Variants in GRIA4 observed in about 807,000 individuals in gnomAD.
GRIA4 encodes glutamate ionotropic receptor AMPA type subunit 4.
In GRIA4, 34 loss-of-function variants were observed where a neutral mutation model predicts 104.0. The observed-to-expected ratio is 0.33, with a 90% CI of 0.25 to 0.44. GRIA4 has a LOEUF of 0.44. GRIA4 is among the 20% of genes least tolerant of loss of function. The pLI is 1.00. For synonymous variants in GRIA4, 386 were observed against 381.9 expected (o/e 1.01, Z -0.13); for missense variants, 750 against 1,096.5 (o/e 0.68, Z 4.46).
chr11:105,782,351 A>C (rs1184726643), intron 4 of GRIA4, among the ~76,000 whole-genome samples: 6 of 152,234 alleles, frequency 3.9e-5, no homozygotes, highest in African/African-American at 1.4e-4. Flanking sequence ...AAGTTTTCAT[A>C]CTAAGAAATC....
In GRIA4 at chr11:105,655,219, G is replaced by A. The variant is rs1354696853; in HGVS notation, c.247+42785G>A. Among the ~76,000 whole-genome samples, 4 of 151,968 alleles carry A rather than the reference G, an allele frequency of 2.6e-5. No homozygotes were observed. In the East Asian group the frequency reaches 5.8e-4, roughly 22 times the overall value. On this transcript the variant is annotated intron_variant, in intron 3 of 16. Transcript: ENST00000282499. ...ATACACATGATTATTAGTGTGATTCGAATATAACAAAGTTCTTTGTTTCAT... is the reference window on the plus strand; with the variant it reads ...ATACACATGATTATTAGTGTGATTCAAATATAACAAAGTTCTTTGTTTCAT...
At chr11:105,945,050 T>A (rs547231552) in intron 14 of GRIA4, among the ~76,000 whole-genome samples, 1 of 152,310 alleles carries the variant, frequency 6.6e-6, no homozygotes, top group South Asian at 2.1e-4. Flanking sequence ...TGTAGCACTA[T>A]CATTTTACTC....
chr11:105,682,055 T>A (rs1438943530), intron 3 of GRIA4, among the ~76,000 whole-genome samples: 1 of 151,852 alleles, frequency 6.6e-6, no homozygotes, highest in Non-Finnish European at 1.5e-5. Flanking sequence ...ATAATAATAA[T>A]AATAATAACA....
chr11:105,732,873 G>A (rs966734720), intron 3 of GRIA4, among the ~76,000 whole-genome samples: 3 of 152,146 alleles, frequency 2.0e-5, no homozygotes, highest in African/African-American at 7.2e-5. Flanking sequence ...TCAGATGTCA[G>A]GCAGCAGAAA....
intron 3 of GRIA4, among the ~76,000 whole-genome samples, chr11:105,720,337 C>G (rs571194079): frequency 6.6e-6 from 1 of 152,132 alleles, no homozygotes; most frequent in African/African-American, 2.4e-5. Context: ...GGAGCTGTGC[C>G]ACCCTTCATC....
At chr11:105,775,215 T>G (rs1212147419) in intron 4 of GRIA4, among the ~76,000 whole-genome samples, 1 of 152,150 alleles carries the variant, frequency 6.6e-6, no homozygotes, top group African/African-American at 2.4e-5. Context: ...CAGAGCCACA[T>G]GGACAATCCA....
chr11:105,904,581 G>C (rs188140290), intron 8 of GRIA4, among the ~76,000 whole-genome samples: 2 of 152,220 alleles, frequency 1.3e-5, no homozygotes, highest in Admixed American at 6.5e-5. Flanking sequence ...TTTGGATTAA[G>C]TAGTTTATTT....
chr11:105,907,801 A>T (rs992318626), intron 9 of GRIA4, among the ~76,000 whole-genome samples: 31 of 152,232 alleles, frequency 2.0e-4, no homozygotes, highest in African/African-American at 7.5e-4. Context: ...TAAGATATAT[A>T]TTTTTTTCTC....
At chr11:105,957,393 T>A (rs1282056608) in intron 14 of GRIA4, among the ~76,000 whole-genome samples, 1 of 152,232 alleles carries the variant, frequency 6.6e-6, no homozygotes, top group Admixed American at 6.5e-5. Flanking sequence ...CTTGTTTTTG[T>A]CAGGTTTGTC....
chr11:105,755,261 TGA>T (rs1213119786), intron 4 of GRIA4, among the ~76,000 whole-genome samples: 1 of 152,142 alleles, frequency 6.6e-6, no homozygotes, highest in African/African-American at 2.4e-5. Flanking sequence ...AAAAAAATGT[TGA>T]GATTCAGGTA....
chr11:105,898,121 C>T, intron 6 of GRIA4, 148 bp from the exon 7 acceptor site: 2 of 468,418 alleles, frequency 4.3e-6, no homozygotes, highest in Non-Finnish European at 3.8e-6. Flanking sequence ...TTAGATTTTC[C>T]ACATCTTTTA....
chr11:105,761,192 T>C (rs1940626702), intron 4 of GRIA4, among the ~76,000 whole-genome samples: 1 of 152,146 alleles, frequency 6.6e-6, no homozygotes, highest in African/African-American at 2.4e-5. Flanking sequence ...CCAGGGAAAT[T>C]GAACCATTTT....
At chr11:105,618,152 G>A (rs1034350445) in intron 3 of GRIA4, among the ~76,000 whole-genome samples, 1 of 151,958 alleles carries the variant, frequency 6.6e-6, no homozygotes, top group African/African-American at 2.4e-5. Flanking sequence ...GTGAGGAGGG[G>A]AGTTGTGCTA....
chr11:105,921,984 G>T (rs1337285586), intron 11 of GRIA4, among the ~76,000 whole-genome samples: 6 of 151,928 alleles, frequency 3.9e-5, no homozygotes, highest in Non-Finnish European at 5.9e-5. Flanking sequence ...ATTTTATATG[G>T]CTACAACAAA....
chr11:105,802,645 T>A (rs952473311), intron 4 of GRIA4, among the ~76,000 whole-genome samples: 1 of 152,068 alleles, frequency 6.6e-6, no homozygotes, highest in African/African-American at 2.4e-5. Context: ...ACTATTCAGT[T>A]CAAAATTTTT....
intron 3 of GRIA4, 143 bp from the exon 4 acceptor site, chr11:105,752,838 T>G (rs1300288353): frequency 1.4e-6 from 1 of 730,484 alleles, no homozygotes; most frequent in African/African-American, 1.8e-5. Context: ...AATTGCACAC[T>G]TCACTTATAC....
chr11:105,796,868 TG>T lies in GRIA4; in HGVS notation c.487+43649del, dbSNP rs138079321. 2.4e-3 allele frequency among the ~76,000 whole-genome samples: 359 copies of T among 152,234 alleles called. 4 individuals carry two copies. The highest frequency in any genetic ancestry group is 8.4e-3 in the African/African-American group (350 of 41,524). ...AAACTTTAATGTTGTATTTTGGTAA[TG>T]AGAAGAAAGAAGTCCAAAATAAATC... On this transcript the variant is annotated intron_variant, in intron 4 of 16. Coordinates refer to ENST00000282499, the MANE Select transcript of GRIA4 (RefSeq NM_000829.4).
intron 14 of GRIA4, among the ~76,000 whole-genome samples, chr11:105,934,348 C>T (rs1439092316): frequency 6.6e-6 from 1 of 152,028 alleles, no homozygotes; most frequent in Non-Finnish European, 1.5e-5. Context: ...TTATGCCTGG[C>T]CACTAGTCTC....
chr11:105,653,009 T>G (rs985148179), intron 3 of GRIA4, among the ~76,000 whole-genome samples: 1 of 152,184 alleles, frequency 6.6e-6, no homozygotes, highest in African/African-American at 2.4e-5. Context: ...CCTCCTGGGT[T>G]CATGCCCTTC....
Sources: allele counts gnomAD v4.1 joint callset (sites outside exome capture counted in the v4.1 genomes callset), GRCh38; gene constraint gnomAD v4.1.1; transcripts MANE v1.5; gene names NCBI Gene and HGNC (gene_info 2026-07-23, HGNC 2026-07-21).